Variants in MAOB observed in about 807,000 individuals in gnomAD.
MAOB encodes amine oxidase [flavin-containing] B.
MAOB carries 15 observed loss-of-function variants against 41.9 expected under a neutral mutation model. The ratio of observed to expected loss-of-function variants is 0.36; its 90% confidence interval spans 0.24 to 0.55. The LOEUF is 0.55. Ranked by LOEUF, MAOB falls within the 20% of genes least tolerant of loss-of-function variation. The probability of loss-of-function intolerance (pLI) is 0.86; values close to 1 mark genes in which losing one functional copy is unlikely to be tolerated. For missense variants in MAOB, 345 were observed against 398.7 expected (o/e 0.87, Z 1.15); for synonymous variants, 167 against 144.2 (o/e 1.16, Z -1.13).
chrX:43,839,090 C>A, intron 2 of MAOB, 85 bp from the exon 3 acceptor site: 1 of 735,148 alleles, frequency 1.4e-6, no homozygotes, highest in Non-Finnish European at 1.9e-6. Flanking sequence ...AGCAAATCGA[C>A]ATTTCACAAG....
At chrX:43,812,514 C>G (rs767726300) in intron 3 of MAOB, among the ~76,000 whole-genome samples, 2 of 112,214 alleles carry the variant, frequency 1.8e-5, no homozygotes, top group East Asian at 5.6e-4. Flanking sequence ...TTTGCTACTA[C>G]CTGTCTTTTG....
At chrX:43,772,054 T>C (rs1294661993) in intron 12 of MAOB, among the ~76,000 whole-genome samples, 1 of 112,115 alleles carries the variant, frequency 8.9e-6, no homozygotes, top group Non-Finnish European at 1.9e-5. Flanking sequence ...TATTTAGTTC[T>C]TTACCAAGTT....
chrX:43,872,907 C>G (rs2035417086), intron 1 of MAOB, among the ~76,000 whole-genome samples: 3 of 111,989 alleles, frequency 2.7e-5, no homozygotes. Context: ...CAGATTTTCA[C>G]AACAAATGTT....
At chrX:43,842,601 T>C (rs1602020588) in intron 2 of MAOB, among the ~76,000 whole-genome samples, 1 of 112,360 alleles carries the variant, frequency 8.9e-6, no homozygotes, top group African/African-American at 3.2e-5. Flanking sequence ...GAAGTCAATA[T>C]GTCAAAGAGA....
intron 8 of MAOB, among the ~76,000 whole-genome samples, chrX:43,782,431 A>T (rs1164188984): frequency 2.7e-5 from 3 of 111,436 alleles, no homozygotes; most frequent in East Asian, 2.8e-4. Context: ...CCCTCCCAAG[A>T]CTAAACTAGG....
chrX:43,768,614 A>T, intron 14 of MAOB, 40 bp downstream of exon 14: 1 of 1,104,776 alleles, frequency 9.1e-7, no homozygotes, highest in Non-Finnish European at 1.3e-6. Flanking sequence ...ATGGGTTTAG[A>T]GAAAAGATAT....
At chrX:43,877,407 G>C (rs1219162395) in intron 1 of MAOB, among the ~76,000 whole-genome samples, 1 of 110,341 alleles carries the variant, frequency 9.1e-6, no homozygotes, top group Admixed American at 9.7e-5. Context: ...CCCACCAACC[G>C]GCCCCAACAC....
chrX:43,808,077 T>C (rs2034691483), intron 3 of MAOB, among the ~76,000 whole-genome samples: 1 of 110,906 alleles, frequency 9.0e-6, no homozygotes, highest in Non-Finnish European at 1.9e-5. Context: ...GGATGGAACT[T>C]AAATAGCAAA....
rs200541607 is a variant in MAOB at position 43,817,118 on chromosome X, ATCT to A, written c.280-13717_280-13715del. Among the ~76,000 whole-genome samples, 611 of 91,332 alleles carry A rather than the reference ATCT, an allele frequency of 6.7e-3. 4 individuals are homozygous for A. Among genetic ancestry groups the A allele is most frequent in the African/African-American group, 0.023 (567 of 24,223 alleles). The allele number at this position is 91,332 out of a possible 115,157, so 79.3% of individuals were successfully genotyped here. A position where few individuals can be genotyped will look rare whatever the true frequency, so the allele number is the denominator to read the frequency against. ...TTCTCTTTTCTTCTTCTTCATCTTC[ATCT>A]TCTTCTTCTTCTTCTTTTCTCTCTC... On this transcript the variant is annotated intron_variant, in intron 3 of 14. Coordinates refer to ENST00000378069, the MANE Select transcript of MAOB (RefSeq NM_000898.5).
chrX:43,836,868 T>C (rs2035077783), intron 3 of MAOB, among the ~76,000 whole-genome samples: 1 of 112,663 alleles, frequency 8.9e-6, no homozygotes, highest in Non-Finnish European at 1.9e-5. Flanking sequence ...GCTTAACTAC[T>C]TGTATTTTCC....
At chrX:43,795,600 C>A in intron 7 of MAOB, 139 bp downstream of exon 7, 1 of 495,562 alleles carries the variant, frequency 2.0e-6, no homozygotes. Flanking sequence ...CCAGCCCCAT[C>A]CTGAAGCTAC....
At chrX:43,772,084 C>T (rs2034192619) in intron 12 of MAOB, among the ~76,000 whole-genome samples, 1 of 111,853 alleles carries the variant, frequency 8.9e-6, no homozygotes, top group Non-Finnish European at 1.9e-5. Context: ...ATTCTGTCTT[C>T]TCTTTTCCTT....
intron 8 of MAOB, among the ~76,000 whole-genome samples, chrX:43,783,142 G>T (rs2034356904): frequency 8.9e-6 from 1 of 111,963 alleles, no homozygotes; most frequent in African/African-American, 3.3e-5. Flanking sequence ...TTCTGGACAG[G>T]GCAATCAGGC....
intron 3 of MAOB, among the ~76,000 whole-genome samples, chrX:43,821,019 G>A (rs1431573004): frequency 8.9e-6 from 1 of 111,847 alleles, no homozygotes; most frequent in Non-Finnish European, 1.9e-5. Context: ...CAGGGCTGTG[G>A]CAAAGATTAA....
At chrX:43,877,568 AAAT>A (rs1467209487) in intron 1 of MAOB, among the ~76,000 whole-genome samples, 4 of 111,935 alleles carry the variant, frequency 3.6e-5, no homozygotes, top group South Asian at 7.3e-4. Context: ...ATTTATTATT[AAAT>A]AATATTATTA....
At chrX:43,780,492 A>T (rs767012693) in intron 9 of MAOB, 97 bp from the exon 10 acceptor site, 1 of 544,309 alleles carries the variant, frequency 1.8e-6, no homozygotes, top group African/African-American at 2.3e-5. Flanking sequence ...TACACAGTTA[A>T]GTCAACCAAA....
chrX:43,778,833 T>A, intron 10 of MAOB, 94 bp from the exon 11 acceptor site: 1 of 632,490 alleles, frequency 1.6e-6, no homozygotes, highest in Non-Finnish European at 2.5e-6. Flanking sequence ...TAAAAAAGAT[T>A]CCATGAGCCA....
At chrX:43,773,086 C>G (rs753744786) in intron 12 of MAOB, among the ~76,000 whole-genome samples, 5 of 112,240 alleles carry the variant, frequency 4.5e-5, no homozygotes, top group Non-Finnish European at 9.4e-5. Context: ...AAGTTCTTCC[C>G]CAGACTTTCC....
intron 8 of MAOB, among the ~76,000 whole-genome samples, chrX:43,786,233 A>T (rs1316272354): frequency 8.9e-6 from 1 of 112,084 alleles, no homozygotes; most frequent in Non-Finnish European, 1.9e-5. Flanking sequence ...TCCATCATTT[A>T]CTTGCAAAAT....
Sources: gnomAD v4.1 joint callset for allele counts (sites outside exome capture counted in the v4.1 genomes callset) on GRCh38, gnomAD v4.1.1 for gene constraint, MANE v1.5 for transcripts, NCBI Gene and HGNC (gene_info 2026-07-23, HGNC 2026-07-21) for gene names.